The following SLC44A1 variants were observed in gnomAD, a reference collection of about 807,000 sequenced individuals.
The protein encoded by SLC44A1 is solute carrier family 44 member 1, also known as choline transporter-like protein 1.
A neutral mutation model predicts 79.3 loss-of-function variants in SLC44A1; 26 were observed. That is an observed-to-expected ratio of 0.33 (90% confidence interval 0.24 to 0.46). The LOEUF is 0.46. Among genes scored for constraint, SLC44A1 ranks in the 20% least tolerant of loss-of-function variants. SLC44A1 has a pLI of 1.00. For missense variants in SLC44A1, 688 were observed against 798.1 expected (o/e 0.86, Z 1.66); for synonymous variants, 263 against 286.2 (o/e 0.92, Z 0.82).
chr9:105,351,596 GAGAAAGAA>G (rs1554797146), intron 5 of SLC44A1, among the ~76,000 whole-genome samples: 3 of 113,458 alleles, frequency 2.6e-5, no homozygotes, highest in African/African-American at 9.0e-5. Flanking sequence ...AAGAGAGAAA[GAGAAAGAA>G]AGAAAGAAAG....
intron 15 of SLC44A1, among the ~76,000 whole-genome samples, chr9:105,431,787 A>G (rs1829401733): frequency 6.6e-6 from 1 of 152,212 alleles, no homozygotes; most frequent in South Asian, 2.1e-4. Context: ...CACCTGATAA[A>G]TATTTATGGA....
In SLC44A1 at chr9:105,389,719, A is replaced by G. The variant is rs10991648; in HGVS notation, c.*663A>G. ...TTGTAGTTTACCCTAACGCTTCTTT[A>G]AAAGAAAGTAGGTAAAAAAAGAAAA... is the stretch of plus-strand genomic sequence containing the variant. On this transcript the variant is annotated 3_prime_UTR_variant, in exon 16 of 16. Transcript: ENST00000374720. 3.1e-4 allele frequency: 400 copies of G among 1,277,354 alleles called. 2 individuals are homozygous for G. The East Asian group carries it at 0.012, about 37-fold the overall frequency. 79.1% of individuals were successfully genotyped at this position (1,277,354 alleles called of 1,614,324 possible). A position where few individuals can be genotyped will look rare whatever the true frequency, so the allele number is the denominator to read the frequency against.
chr9:105,438,241 C>T, intron 15 of SLC44A1: 1 of 1,540,472 alleles, frequency 6.5e-7, no homozygotes, highest in Non-Finnish European at 8.8e-7. Flanking sequence ...TCATGTTCCC[C>T]TAGGACAGAA....
intron 1 of SLC44A1, among the ~76,000 whole-genome samples, chr9:105,297,289 TG>T (rs763594690): frequency 1.3e-5 from 2 of 151,772 alleles, no homozygotes; most frequent in Non-Finnish European, 2.9e-5. Flanking sequence ...CCGCCCTCAT[TG>T]TTGATAGGCA....
chr9:105,415,329 G>A (rs1309976834), intron 15 of SLC44A1, among the ~76,000 whole-genome samples: 2 of 152,178 alleles, frequency 1.3e-5, no homozygotes, highest in African/African-American at 4.8e-5. Context: ...AATTACTCAG[G>A]GTCTCACTTC....
chr9:105,412,134 A>G (rs1196492951), intron 15 of SLC44A1, among the ~76,000 whole-genome samples: 1 of 152,134 alleles, frequency 6.6e-6, no homozygotes, highest in African/African-American at 2.4e-5. Flanking sequence ...TCACCCACTT[A>G]GTTTTTCATC....
At position 105,244,914 on chromosome 9, in the gene SLC44A1, T is replaced by C. The variant is rs1039596317; in HGVS notation, c.36+10T>C. 6.8e-6 allele frequency: 8 copies of C among 1,178,480 alleles called. No individual in the cohort carries two copies. In the African/African-American group the frequency reaches 8.1e-5, roughly 12 times the overall value. The allele number at this position is 1,178,480 out of a possible 1,614,324, so 73.0% of individuals were successfully genotyped here. On this transcript the variant is annotated intron_variant, in intron 1 of 15. Transcript: ENST00000374720. ...CTCCTCCGCCGCGCAGGTGAGGGGC[T>C]CCCGCCTCCCGGCCGCCCGCCCGGA...
chr9:105,290,096 G>A (rs561559952), intron 1 of SLC44A1, among the ~76,000 whole-genome samples: 16 of 152,246 alleles, frequency 1.1e-4, no homozygotes, highest in Admixed American at 2.0e-4. Flanking sequence ...GATTACAGGC[G>A]TGAGCCACCG....
chr9:105,435,960 G>A (rs1370399904), intron 15 of SLC44A1, among the ~76,000 whole-genome samples: 1 of 152,240 alleles, frequency 6.6e-6, no homozygotes, highest in African/African-American at 2.4e-5. Flanking sequence ...CACTTCGGGA[G>A]GCCAAGGCCT....
At chr9:105,351,484 G>T (rs971260047) in intron 5 of SLC44A1, among the ~76,000 whole-genome samples, 2 of 151,292 alleles carry the variant, frequency 1.3e-5, no homozygotes, top group African/African-American at 4.9e-5. Context: ...AGTGAGCCAA[G>T]ATTGTGCCAC....
chr9:105,343,366 A>G (rs1185103896), intron 4 of SLC44A1, among the ~76,000 whole-genome samples: 1 of 152,220 alleles, frequency 6.6e-6, no homozygotes, highest in Non-Finnish European at 1.5e-5. Flanking sequence ...TAAAAACTTT[A>G]ACAGATTATG....
At chr9:105,412,440 C>T (rs1008782734) in intron 15 of SLC44A1, among the ~76,000 whole-genome samples, 11 of 152,190 alleles carry the variant, frequency 7.2e-5, no homozygotes, top group African/African-American at 2.7e-4. Flanking sequence ...CTTATGCTTT[C>T]CTGGTTTCAA....
intron 15 of SLC44A1, among the ~76,000 whole-genome samples, chr9:105,404,946 G>A (rs1370586748): frequency 1.3e-5 from 2 of 152,170 alleles, no homozygotes; most frequent in African/African-American, 4.8e-5. Context: ...GATATTTAAT[G>A]AGTACCTACT....
intron 1 of SLC44A1, among the ~76,000 whole-genome samples, chr9:105,257,173 T>C (rs1829729980): frequency 6.6e-6 from 1 of 151,964 alleles, no homozygotes; most frequent in Admixed American, 6.6e-5. Flanking sequence ...CTCAGCTCAC[T>C]GCAACCTCCG....
chr9:105,270,188 A>G (rs1049357434), intron 1 of SLC44A1, among the ~76,000 whole-genome samples: 2 of 152,148 alleles, frequency 1.3e-5, no homozygotes, highest in Non-Finnish European at 2.9e-5. Flanking sequence ...TTCGTGCATG[A>G]TCATCCTCTC....
chr9:105,321,162 TTTTTTG>T (rs1424231605), intron 3 of SLC44A1, among the ~76,000 whole-genome samples: 1 of 152,206 alleles, frequency 6.6e-6, no homozygotes, highest in Non-Finnish European at 1.5e-5. Context: ...ACAATGATTT[TTTTTTG>T]TGCTTTCTAC....
intron 1 of SLC44A1, among the ~76,000 whole-genome samples, chr9:105,259,367 G>A (rs1425612009): frequency 2.6e-5 from 4 of 152,184 alleles, no homozygotes; most frequent in Admixed American, 6.5e-5. Flanking sequence ...TGATGCTTGT[G>A]TTATTAATAT....
intron 15 of SLC44A1, among the ~76,000 whole-genome samples, chr9:105,413,396 C>T (rs756456774): frequency 2.0e-5 from 3 of 152,204 alleles, no homozygotes; most frequent in Admixed American, 1.3e-4. Context: ...ATTTCGCCTT[C>T]CCAATATAGG....
At chr9:105,411,967 A>G (rs531412772) in intron 15 of SLC44A1, among the ~76,000 whole-genome samples, 2 of 152,336 alleles carry the variant, frequency 1.3e-5, no homozygotes, top group Admixed American at 1.3e-4. Flanking sequence ...TTTTGAGACT[A>G]TGTAAAAGTC....
Sources: allele counts gnomAD v4.1 joint callset (sites outside exome capture counted in the v4.1 genomes callset), GRCh38; gene constraint gnomAD v4.1.1; transcripts MANE v1.5; gene names NCBI Gene and HGNC (gene_info 2026-07-23, HGNC 2026-07-21).